KLRG1: variants seen among roughly 807,000 people sequenced by gnomAD.
The protein encoded by KLRG1 is killer cell lectin like receptor G1.
Under a neutral mutation model 21.8 loss-of-function variants are expected in KLRG1, and 16 were observed. The observed-to-expected ratio is 0.73, with a 90% CI of 0.50 to 1.11. The LOEUF is 1.11. Among genes scored for constraint, KLRG1 ranks in the 50% most tolerant of loss-of-function variants. KLRG1 has a pLI of 0.00. For missense variants in KLRG1, 173 were observed against 218.3 expected (o/e 0.79, Z 1.31); for synonymous variants, 69 against 75.9 (o/e 0.91, Z 0.47).
chr12:9,087,720 A>T, the KLRG1 span, among the ~76,000 whole-genome samples: 2 of 152,168 alleles, frequency 1.3e-5, no homozygotes, highest in Non-Finnish European at 2.9e-5. Flanking sequence ...TTTTATTCAT[A>T]AATCATAACA....
chr12:9,207,339 A>G, the KLRG1 span, among the ~76,000 whole-genome samples: 3 of 152,306 alleles, frequency 2.0e-5, no homozygotes, highest in African/African-American at 7.2e-5. Context: ...ATGTGCTATT[A>G]TTGGACCCAA....
At chr12:9,086,629 A>G in the KLRG1 span, among the ~76,000 whole-genome samples, 1 of 152,226 alleles carries the variant, frequency 6.6e-6, no homozygotes. Flanking sequence ...TAGATATACA[A>G]GCAATGTTCC....
At chr12:9,095,717 G>T in the KLRG1 span, 2 of 728,442 alleles carry the variant, frequency 2.7e-6, no homozygotes, top group Non-Finnish European at 2.1e-6. Context: ...AAATACGAAA[G>T]ACAAAAAGGC....
At chr12:9,078,204 C>T in the KLRG1 span, among the ~76,000 whole-genome samples, 1 of 152,154 alleles carries the variant, frequency 6.6e-6, no homozygotes, top group Admixed American at 6.5e-5. Flanking sequence ...CCCACACCTC[C>T]CAACAGGCCC....
chr12:9,072,364 A>G, the KLRG1 span: 2 of 1,613,956 alleles, frequency 1.2e-6, no homozygotes, highest in Non-Finnish European at 1.7e-6. Context: ...CTTACCTGAC[A>G]CTTAGGGAGA....
chr12:9,171,954 A>C, the KLRG1 span, among the ~76,000 whole-genome samples: 1 of 152,230 alleles, frequency 6.6e-6, no homozygotes, highest in African/African-American at 2.4e-5. Context: ...CCAACCTAGC[A>C]AGACAGGCCA....
chr12:9,006,450 A>G (rs1228222161), intron 3 of KLRG1, among the ~76,000 whole-genome samples: 1 of 152,208 alleles, frequency 6.6e-6, no homozygotes, highest in Non-Finnish European at 1.5e-5. Flanking sequence ...GTTAAAGGAA[A>G]AGAAAGAAGG....
the KLRG1 span, among the ~76,000 whole-genome samples, chr12:9,204,672 A>G: frequency 6.6e-6 from 1 of 152,106 alleles, no homozygotes; most frequent in Non-Finnish European, 1.5e-5. Flanking sequence ...GTATTTTATT[A>G]TCATTTCCCT....
the KLRG1 span, chr12:9,068,874 C>G: frequency 3.8e-5 from 56 of 1,484,022 alleles, no homozygotes; most frequent in East Asian, 9.4e-4. Context: ...AATGACCTTT[C>G]AGGAAGCTTT....
the KLRG1 span, among the ~76,000 whole-genome samples, chr12:9,034,378 T>C: frequency 6.6e-6 from 1 of 152,234 alleles, no homozygotes; most frequent in Non-Finnish European, 1.5e-5. Context: ...CATACGGTTA[T>C]GTATGATACA....
At chr12:9,013,892 A>G (rs1027386182), downstream of KLRG1, among the ~76,000 whole-genome samples, 2 of 152,162 alleles carry the variant, frequency 1.3e-5, no homozygotes, top group African/African-American at 2.4e-5. Context: ...AGAAAAACTT[A>G]ACAAAGAGAA....
intron 1 of KLRG1, among the ~76,000 whole-genome samples, chr12:8,965,286 A>G (rs1286613397): frequency 6.6e-6 from 1 of 152,196 alleles, no homozygotes; most frequent in Admixed American, 6.5e-5. Flanking sequence ...CAAGACAGGG[A>G]TGCCCTCTCT....
the KLRG1 span, chr12:9,111,991 C>A: frequency 1.3e-6 from 1 of 788,202 alleles, no homozygotes. Context: ...TACCTACTTT[C>A]TTTACCTGGA....
the KLRG1 span, among the ~76,000 whole-genome samples, chr12:9,072,146 T>A: frequency 3.9e-5 from 6 of 152,344 alleles, no homozygotes; most frequent in African/African-American, 1.4e-4. Context: ...AGGGAAATTA[T>A]TACCCTTTAA....
the KLRG1 span, chr12:9,101,401 G>C: frequency 7.3e-6 from 11 of 1,501,808 alleles, no homozygotes; most frequent in African/African-American, 4.1e-5. Context: ...GCTCCACAGA[G>C]AGCTTTTGTC....
intron 1 of KLRG1, among the ~76,000 whole-genome samples, chr12:8,956,254 T>TGGG (rs1341425329): frequency 6.6e-6 from 1 of 152,104 alleles, no homozygotes; most frequent in Non-Finnish European, 1.5e-5. Flanking sequence ...GAAGTGGTGG[T>TGGG]GGCGCCAGGC....
the KLRG1 span, among the ~76,000 whole-genome samples, chr12:9,034,675 G>A: frequency 4.4e-3 from 677 of 152,300 alleles, 35 homozygotes; most frequent in East Asian, 0.11. Context: ...TCAAACTCCT[G>A]ACCACAGATG....
chr12:9,030,734 A>T, the KLRG1 span, among the ~76,000 whole-genome samples: 268 of 152,342 alleles, frequency 1.8e-3, 2 homozygotes, highest in African/African-American at 6.2e-3. Flanking sequence ...ATGATAAAAA[A>T]CAATGGTATG....
At chr12:9,158,538 C>A in the KLRG1 span, 1 of 1,613,994 alleles carries the variant, frequency 6.2e-7, no homozygotes, top group Non-Finnish European at 8.5e-7. Flanking sequence ...GATGTAGGAT[C>A]GAGCCTGGGC....
Sources: gnomAD v4.1 joint callset for allele counts (sites outside exome capture counted in the v4.1 genomes callset) on GRCh38, gnomAD v4.1.1 for gene constraint, MANE v1.5 for transcripts, NCBI Gene and HGNC (gene_info 2026-07-23, HGNC 2026-07-21) for gene names.